The following ARHGAP42 variants were observed in gnomAD, a reference collection of about 807,000 sequenced individuals.
ARHGAP42 encodes the protein rho GTPase-activating protein 42.
Under a neutral mutation model 125.0 loss-of-function variants are expected in ARHGAP42, and 63 were observed. The observed-to-expected ratio is 0.50, with a 90% CI of 0.41 to 0.62. The LOEUF is 0.62. ARHGAP42 is among the 20% of genes least tolerant of loss of function. The pLI is 0.00. For missense variants in ARHGAP42, 766 were observed against 1,024.2 expected, an observed-to-expected ratio of 0.75 and a Z score of 3.44; for synonymous variants, 339 against 351.0, an observed-to-expected ratio of 0.97 and a Z score of 0.38.
chr11:100,758,209 T>G (rs1862619202), intron 1 of ARHGAP42, among the ~76,000 whole-genome samples: 1 of 152,194 alleles, frequency 6.6e-6, no homozygotes, highest in Non-Finnish European at 1.5e-5. Context: ...GGAAAATTTT[T>G]GGAGGTTTGT....
chr11:100,800,145 C>T (rs1310824647), intron 3 of ARHGAP42, among the ~76,000 whole-genome samples: 1 of 152,114 alleles, frequency 6.6e-6, no homozygotes, highest in African/African-American at 2.4e-5. Context: ...ACAGTAAGCA[C>T]AGTTGGGGGA....
At chr11:100,722,037 G>A (rs183675947) in intron 1 of ARHGAP42, among the ~76,000 whole-genome samples, 2 of 152,276 alleles carry the variant, frequency 1.3e-5, no homozygotes, top group East Asian at 1.9e-4. Flanking sequence ...TTCCAAAGTG[G>A]CTGTACCATT....
At chr11:100,744,443 C>G (rs186854915) in intron 1 of ARHGAP42, among the ~76,000 whole-genome samples, 6 of 151,662 alleles carry the variant, frequency 4.0e-5, no homozygotes, top group Admixed American at 2.0e-4. Flanking sequence ...ATTATAGAAC[C>G]CTGTTTTGTC....
chr11:100,878,230 G>A (rs1865871153), intron 4 of ARHGAP42, among the ~76,000 whole-genome samples: 1 of 151,904 alleles, frequency 6.6e-6, no homozygotes, highest in African/African-American at 2.4e-5. Flanking sequence ...CCTGTTTCAA[G>A]TGATTCTCCT....
chr11:100,928,035 A>T (rs562722027), intron 6 of ARHGAP42, among the ~76,000 whole-genome samples: 1 of 152,178 alleles, frequency 6.6e-6, no homozygotes, highest in African/African-American at 2.4e-5. Flanking sequence ...CATTAGACTT[A>T]AAGCAATCTG....
chr11:100,720,340 A>G (rs1244558674), intron 1 of ARHGAP42, among the ~76,000 whole-genome samples: 3 of 152,230 alleles, frequency 2.0e-5, no homozygotes, highest in South Asian at 2.1e-4. Context: ...AGTTGTTCCT[A>G]TGAATGATTG....
chr11:100,773,235 T>C (rs907614060), intron 2 of ARHGAP42, among the ~76,000 whole-genome samples: 1 of 152,220 alleles, frequency 6.6e-6, no homozygotes, highest in South Asian at 2.1e-4. Context: ...CAGATCCTAA[T>C]AGTAGACCCT....
rs1858303998 is a variant in ARHGAP42, at chr11:100,973,334, G to T, written c.1710G>T (p.Lys570Asn). The change falls in exon 18 of 24, where the codon AAG becomes AAT. Residue 570 changes from lysine to asparagine, a missense_variant and splice_region_variant. Around this residue, in one of 3 missense-constraint regions of ARHGAP42, gnomAD observed 308 missense variants for 369.7 expected, o/e 0.83. Coordinates refer to ENST00000298815, the MANE Select transcript of ARHGAP42 (RefSeq NM_152432.4). ...VVEILIEHYE[K>N]IFHTAPDPSI... is the part of the protein sequence containing the mutation. ...AAATTCTGATAGAGCACTATGAAAA[G>T]GTAGGCGGAATTTTCATGTGGAAGT... 1.3e-6 allele frequency: 2 copies of T among 1,547,336 alleles called. No homozygotes were observed. Among genetic ancestry groups the T allele is most frequent in the Non-Finnish European group, 8.7e-7 (1 of 1,145,740 alleles).
At chr11:100,740,132 T>G (rs1473872057) in intron 1 of ARHGAP42, among the ~76,000 whole-genome samples, 1 of 152,048 alleles carries the variant, frequency 6.6e-6, no homozygotes, top group Non-Finnish European at 1.5e-5. Context: ...CCTTTTTGTA[T>G]GATTTCTGGA....
intron 4 of ARHGAP42, among the ~76,000 whole-genome samples, chr11:100,879,256 A>C (rs765414449): frequency 6.6e-6 from 1 of 152,182 alleles, no homozygotes; most frequent in Non-Finnish European, 1.5e-5. Context: ...TGGTATCCAC[A>C]TCTCTGATGA....
chr11:100,840,014 G>C (rs1339454254), intron 3 of ARHGAP42: 1 of 152,056 alleles, frequency 6.6e-6, no homozygotes, highest in Non-Finnish European at 1.5e-5. Flanking sequence ...TATTTTATGA[G>C]ACTAGAATTG....
intron 6 of ARHGAP42, among the ~76,000 whole-genome samples, chr11:100,931,359 T>G (rs1404046926): frequency 6.6e-6 from 1 of 152,226 alleles, no homozygotes; most frequent in Non-Finnish European, 1.5e-5. Context: ...TTAGAAGTTT[T>G]AGCAATGTTC....
At chr11:100,834,171 G>C (rs1864727630) in intron 3 of ARHGAP42, among the ~76,000 whole-genome samples, 1 of 152,072 alleles carries the variant, frequency 6.6e-6, no homozygotes, top group African/African-American at 2.4e-5. Flanking sequence ...CCATTCTGTG[G>C]CTGACAAGAT....
chr11:100,784,390 A>G (rs536433030), intron 2 of ARHGAP42, among the ~76,000 whole-genome samples: 2 of 152,298 alleles, frequency 1.3e-5, no homozygotes, highest in East Asian at 1.9e-4. Flanking sequence ...GTGTCCCTAC[A>G]TAAAATGAGT....
chr11:100,697,943 A>G (rs1861315257), intron 1 of ARHGAP42, among the ~76,000 whole-genome samples: 1 of 152,248 alleles, frequency 6.6e-6, no homozygotes, highest in South Asian at 2.1e-4. Context: ...TGGAACTTGT[A>G]TTAGACTTTC....
chr11:100,976,296 T>A lies in ARHGAP42; in HGVS notation c.2095T>A (p.Ser699Thr). 1 of 1,551,714 alleles carries A rather than the reference T, an allele frequency of 6.4e-7. No individual in the cohort carries two copies. Among genetic ancestry groups the A allele is most frequent in the Non-Finnish European group, 8.7e-7 (1 of 1,146,896 alleles). ...REDATKTDAE[S>T]DCQSVASVTS... ...AGATGCAACCAAGACAGATGCAGAATCAGACTGCCAGAGTGTTGCTTCAGT... is the reference window on the plus strand; with the variant it reads ...AGATGCAACCAAGACAGATGCAGAAACAGACTGCCAGAGTGTTGCTTCAGT... The change falls in exon 20 of 24, where the codon TCA (serine) becomes ACA (threonine). Residue 699 changes from serine to threonine, a missense_variant. Ser to Thr is a moderately conservative substitution (Grantham distance 58). This residue lies in a region of ARHGAP42 where 308 missense variants were observed against 369.7 expected (regional missense o/e 0.83). Coordinates refer to ENST00000298815, the MANE Select transcript of ARHGAP42 (RefSeq NM_152432.4).
Position 100,828,621 on chromosome 11 carries a change from A to G in ARHGAP42, c.313-30933A>G, listed in dbSNP as rs561752727. On this transcript the variant is annotated intron_variant, in intron 3 of 23. Coordinates refer to ENST00000298815, the MANE Select transcript of ARHGAP42 (RefSeq NM_152432.4). ...GACCTGCAGAACTCTCAGATTCAAC[A>G]TACATGACTTTAAGGGGGAAAGGGC... Among the ~76,000 whole-genome samples, 11 of 152,196 alleles carry G rather than the reference A, an allele frequency of 7.2e-5. No individual in the cohort carries two copies. In the South Asian group the frequency reaches 2.3e-3, roughly 32 times the overall value.
chr11:100,830,617 GA>G (rs1166238905), intron 3 of ARHGAP42, among the ~76,000 whole-genome samples: 2 of 152,190 alleles, frequency 1.3e-5, no homozygotes, highest in Admixed American at 1.3e-4. Context: ...CCCTGATCTA[GA>G]AAATAACGTC....
intron 15 of ARHGAP42, 145 bp downstream of exon 15, chr11:100,961,913 G>A (rs757332393): frequency 4.4e-4 from 263 of 596,594 alleles, no homozygotes; most frequent in Non-Finnish European, 6.6e-4. Context: ...GCATGACATG[G>A]TAACATTTAC....
Sources: allele counts gnomAD v4.1 joint callset (sites outside exome capture counted in the v4.1 genomes callset), GRCh38; gene constraint gnomAD v4.1.1; regional missense constraint gnomAD v4.1.1; transcripts MANE v1.5; gene names NCBI Gene and HGNC (gene_info 2026-07-23, HGNC 2026-07-21).